Variants in CSMD1 observed in about 807,000 individuals in gnomAD.
The protein encoded by CSMD1 is CUB and Sushi multiple domains 1, also known as CUB and sushi domain-containing protein 1.
CSMD1 carries 213 observed loss-of-function variants against 417.5 expected under a neutral mutation model. The ratio of observed to expected loss-of-function variants is 0.51; its 90% CI spans 0.46 to 0.57. CSMD1 has a LOEUF of 0.57. CSMD1 is among the 20% of genes least tolerant of loss of function. The pLI, the probability that CSMD1 is intolerant of heterozygous loss-of-function variation, is 0.00. For synonymous variants in CSMD1, 2,862 were observed against 1,736.8 expected, an observed-to-expected ratio of 1.65 and a Z score of -16.11; for missense variants, 6,923 against 4,529.7, an observed-to-expected ratio of 1.53 and a Z score of -15.17.
rs1563063620 is a variant in CSMD1 at position 3,772,190 on chromosome 8, A to ATG, written c.819-18149_819-18148insCA. 4.2e-3 allele frequency among the ~76,000 whole-genome samples: 32 copies of ATG among 7,592 alleles called. 5 individuals carry two copies. In the South Asian group the frequency reaches 0.064, roughly 15 times the overall value. The allele number at this position is 7,592 out of a possible 152,430, so 5.0% of individuals were successfully genotyped here. On this transcript the variant is annotated intron_variant, in intron 5 of 69. Coordinates refer to ENST00000635120, the MANE Select transcript of CSMD1 (RefSeq NM_033225.6). ...AACATATATATATATATATATATAT[A>ATG]CACACACACACACACACACACACAC...
intron 6 of CSMD1, among the ~76,000 whole-genome samples, chr8:3,735,823 C>G (rs1444992617): frequency 1.3e-5 from 2 of 152,184 alleles, no homozygotes; most frequent in African/African-American, 4.8e-5. Flanking sequence ...TATCAGTATT[C>G]ATTTTGAAAA....
intron 2 of CSMD1, among the ~76,000 whole-genome samples, chr8:4,551,025 G>A (rs1284311460): frequency 6.6e-6 from 1 of 152,118 alleles, no homozygotes; most frequent in Non-Finnish European, 1.5e-5. Flanking sequence ...ATAAAATCCT[G>A]CCTTTTGAAG....
chr8:4,486,813 G>A (rs1014695074), intron 2 of CSMD1, among the ~76,000 whole-genome samples: 1 of 152,158 alleles, frequency 6.6e-6, no homozygotes, highest in Non-Finnish European at 1.5e-5. Flanking sequence ...TGCTGCAAAG[G>A]TGCCTGCAAA....
intron 3 of CSMD1, among the ~76,000 whole-genome samples, chr8:4,187,191 G>A (rs1349521618): frequency 3.3e-5 from 5 of 152,066 alleles, no homozygotes; most frequent in Non-Finnish European, 5.9e-5. Flanking sequence ...AAACAATCTG[G>A]GACATTGTTG....
intron 3 of CSMD1, among the ~76,000 whole-genome samples, chr8:4,200,733 G>T (rs7004082): frequency 1.3e-5 from 2 of 152,038 alleles, no homozygotes; most frequent in African/African-American, 2.4e-5. Context: ...ATGGTTGTGT[G>T]TATCTGTAGT....
At chr8:4,067,087 G>C (rs996014065) in intron 3 of CSMD1, among the ~76,000 whole-genome samples, 2 of 152,350 alleles carry the variant, frequency 1.3e-5, no homozygotes, top group Middle Eastern at 3.4e-3. Context: ...ACACAGAGAA[G>C]GGTACAAGGC....
chr8:4,398,577 A>C (rs915066680), intron 3 of CSMD1, among the ~76,000 whole-genome samples: 9 of 151,620 alleles, frequency 5.9e-5, no homozygotes, highest in African/African-American at 2.2e-4. Context: ...TTGTATTTTT[A>C]GTAGAGACGG....
intron 7 of CSMD1, among the ~76,000 whole-genome samples, chr8:3,624,893 A>C (rs545038415): frequency 2.0e-5 from 3 of 152,334 alleles, no homozygotes; most frequent in Admixed American, 1.3e-4. Flanking sequence ...CAGGAGGTTT[A>C]TATCTCAGCA....
chr8:3,507,941 C>A (rs1417362354), intron 10 of CSMD1, among the ~76,000 whole-genome samples: 1 of 151,950 alleles, frequency 6.6e-6, no homozygotes, highest in African/African-American at 2.4e-5. Context: ...CAAAAAGTTT[C>A]TCCCATTCTG....
At chr8:4,351,819 G>A (rs1245652954) in intron 3 of CSMD1, among the ~76,000 whole-genome samples, 2 of 152,140 alleles carry the variant, frequency 1.3e-5, no homozygotes, top group Admixed American at 6.5e-5. Context: ...AAGGAGCAGA[G>A]CAACACACCA....
Position 4,303,119 on chromosome 8 carries a change from G to C in CSMD1, c.415+116834C>G, listed in dbSNP as rs1250691225. Reference sequence around the variant, plus strand: ...GTAATTTAAAAGGAATTAAAATAAGGACATTATGATTTTCTCTAGGAACTA... The same window carrying C: ...GTAATTTAAAAGGAATTAAAATAAGCACATTATGATTTTCTCTAGGAACTA... On this transcript the variant is annotated intron_variant, in intron 3 of 69. Transcript: ENST00000635120. 6.6e-5 allele frequency among the ~76,000 whole-genome samples: 10 copies of C among 151,998 alleles called. No homozygotes were observed. In the East Asian group the frequency reaches 1.9e-3, roughly 29 times the overall value.
At chr8:4,593,862 C>A (rs2617092) in intron 2 of CSMD1, among the ~76,000 whole-genome samples, 60,515 of 151,966 alleles carry the variant, frequency 0.4, 12,158 homozygotes, top group South Asian at 0.46. Flanking sequence ...TAACAAAATA[C>A]CACAAACAGA....
At chr8:2,990,634 C>T (rs903894904) in intron 54 of CSMD1, among the ~76,000 whole-genome samples, 2 of 152,312 alleles carry the variant, frequency 1.3e-5, no homozygotes, top group Non-Finnish European at 2.9e-5. Flanking sequence ...CCTCTGTGAG[C>T]GATTCCATTC....
At chr8:3,396,930 A>G (rs1228096834) in intron 16 of CSMD1, among the ~76,000 whole-genome samples, 1 of 152,170 alleles carries the variant, frequency 6.6e-6, no homozygotes, top group East Asian at 1.9e-4. Flanking sequence ...CTTTCAAGAC[A>G]TTAGAACAAC....
chr8:4,839,093 T>G (rs73659206), intron 1 of CSMD1, among the ~76,000 whole-genome samples: 1 of 152,202 alleles, frequency 6.6e-6, no homozygotes, highest in Non-Finnish European at 1.5e-5. Context: ...TTTACTCCTC[T>G]GAGTCAGTTT....
intron 3 of CSMD1, among the ~76,000 whole-genome samples, chr8:4,177,981 A>G (rs915228466): frequency 4.6e-5 from 7 of 152,230 alleles, no homozygotes; most frequent in Admixed American, 1.3e-4. Flanking sequence ...ATGGACTCAC[A>G]GCCAAATTCT....
intron 2 of CSMD1, among the ~76,000 whole-genome samples, chr8:4,458,323 G>C (rs953771281): frequency 8.6e-5 from 13 of 151,984 alleles, no homozygotes; most frequent in African/African-American, 2.9e-4. Context: ...GCGCACAAGG[G>C]ATCGATTAGC....
chr8:3,882,452 G>C (rs10100510), intron 5 of CSMD1, among the ~76,000 whole-genome samples: 1 of 152,080 alleles, frequency 6.6e-6, no homozygotes. Context: ...CCTACACTAC[G>C]GTGGTATTAC....
chr8:4,435,577 C>G (rs1040029156), intron 2 of CSMD1, among the ~76,000 whole-genome samples: 1 of 152,170 alleles, frequency 6.6e-6, no homozygotes, highest in Non-Finnish European at 1.5e-5. Context: ...ATGCTCCCTT[C>G]CAGGAATCAT....
Sources: gnomAD v4.1 joint callset for allele counts (sites outside exome capture counted in the v4.1 genomes callset) on GRCh38, gnomAD v4.1.1 for gene constraint, MANE v1.5 for transcripts, NCBI Gene and HGNC (gene_info 2026-07-23, HGNC 2026-07-21) for gene names.